Variants in FAM241A observed in about 807,000 individuals in gnomAD.
The protein encoded by FAM241A is family with sequence similarity 241 member A.
In FAM241A, 7 loss-of-function variants were observed where a neutral mutation model predicts 12.2. That is an observed-to-expected ratio of 0.58 (90% CI 0.33 to 1.08). The LOEUF (loss-of-function observed/expected upper bound fraction) is 1.08, where lower values mean the gene tolerates loss of function less well. FAM241A is among the 50% of genes least tolerant of loss of function. FAM241A has a pLI of 0.04. For synonymous variants in FAM241A, 74 were observed against 68.2 expected, an observed-to-expected ratio of 1.08 and a Z score of -0.42; for missense variants, 161 against 169.7, an observed-to-expected ratio of 0.95 and a Z score of 0.29.
intron 1 of FAM241A, chr4:112,171,238 A>G (rs1723712333): frequency 5.5e-6 from 4 of 733,740 alleles, no homozygotes; most frequent in Admixed American, 1.7e-5. Flanking sequence ...CCTAAAACCC[A>G]CTGGACTTTC....
rs1038106079 is a variant in FAM241A, at chr4:112,187,241, C to T, written c.*303C>T. On this transcript the variant is annotated 3_prime_UTR_variant, in exon 2 of 2. Transcript: ENST00000309733. Reference sequence around the variant, plus strand: ...TTAAGTAACACCACCAGAAAGTGAACAGGGAAAATAACAGGACATGGAATT... The same window carrying T: ...TTAAGTAACACCACCAGAAAGTGAATAGGGAAAATAACAGGACATGGAATT... 5.9e-5 allele frequency: 15 copies of T among 252,548 alleles called. No individual in the cohort carries two copies. Among genetic ancestry groups the T allele is most frequent in the Non-Finnish European group, 1.1e-4 (14 of 133,292 alleles). The allele number at this position is 252,548 out of a possible 1,614,324, so 15.6% of individuals were successfully genotyped here.
intron 1 of FAM241A, among the ~76,000 whole-genome samples, chr4:112,182,997 C>T (rs1723971658): frequency 6.6e-6 from 1 of 151,538 alleles, no homozygotes; most frequent in Non-Finnish European, 1.5e-5. Context: ...AAACTGACAC[C>T]CTTTCCACAT....
Position 112,190,074 on chromosome 4 carries a change from C to T in FAM241A, c.*3136C>T, listed in dbSNP as rs1015719598. 1.3e-5 allele frequency: 2 copies of T among 152,152 alleles called. No individual in the cohort carries two copies. The highest frequency in any genetic ancestry group is 4.8e-5 in the African/African-American group (2 of 41,418). The allele number at this position is 152,152 out of a possible 1,614,324, so 9.4% of individuals were successfully genotyped here. A position where few individuals can be genotyped will look rare whatever the true frequency, so the allele number is the denominator to read the frequency against. ...CATGGTTATCTTCTGACCAACAAATCTCTATTTAATCATGTTTTGACCACA... is the reference window on the plus strand; with the variant it reads ...CATGGTTATCTTCTGACCAACAAATTTCTATTTAATCATGTTTTGACCACA... On this transcript the variant is annotated 3_prime_UTR_variant, in exon 2 of 2. Coordinates refer to ENST00000309733, the MANE Select transcript of FAM241A (RefSeq NM_152400.3).
intron 1 of FAM241A, among the ~76,000 whole-genome samples, chr4:112,185,798 A>G (rs1463727189): frequency 2.0e-5 from 3 of 152,184 alleles, no homozygotes; most frequent in Non-Finnish European, 4.4e-5. Flanking sequence ...CCAAATTGCA[A>G]TCAGCTGCTA....
chr4:112,189,463 T>G lies in FAM241A; in HGVS notation c.*2525T>G, dbSNP rs565982245. Reference sequence around the variant, plus strand: ...GCCAGTTTTAGAAACTGTTATTGCTTATGAATAAAGAAATAGAAGTTACAA... The same window carrying G: ...GCCAGTTTTAGAAACTGTTATTGCTGATGAATAAAGAAATAGAAGTTACAA... On this transcript the variant is annotated 3_prime_UTR_variant, in exon 2 of 2. Transcript: ENST00000309733. 6.6e-6 allele frequency: 1 copy of G among 152,210 alleles called. No individual in the cohort carries two copies. The highest frequency in any genetic ancestry group is 2.1e-4 in the South Asian group (1 of 4,820). The allele number at this position is 152,210 out of a possible 1,614,324, so 9.4% of individuals were successfully genotyped here.
chr4:112,155,648 G>C (rs1209979845), intron 1 of FAM241A, among the ~76,000 whole-genome samples: 1 of 151,880 alleles, frequency 6.6e-6, no homozygotes, highest in Non-Finnish European at 1.5e-5. Flanking sequence ...ACTTCATGTA[G>C]AGTCCAATAA....
chr4:112,145,689 G>A lies in FAM241A; in HGVS notation c.109G>A (p.Ala37Thr). The A allele has an allele frequency of 8.3e-7, 1 of 1,208,096 alleles. No homozygotes were observed. The highest frequency in any genetic ancestry group is 1.0e-6 in the Non-Finnish European group (1 of 972,348). The allele number at this position is 1,208,096 out of a possible 1,614,324, so 74.8% of individuals were successfully genotyped here. The change falls in exon 1 of 2, where the codon GCG (alanine) becomes ACG (threonine). Residue 37 changes from alanine to threonine, a missense_variant. Transcript: ENST00000309733. ...GGCAGGGACCGGGTGGGATCCCGGG[G>A]CGAGCCCGCGGCGGCGCGGACAGCG... ...EAAGTGWDPG[A>T]SPRRRGQRPK... is the part of the protein sequence containing the mutation.
Position 112,187,193 on chromosome 4 carries a change from C to T in FAM241A, c.*255C>T, listed in dbSNP as rs544080102. On this transcript the variant is annotated 3_prime_UTR_variant, in exon 2 of 2. Transcript: ENST00000309733. ...TACTGTGATCTCTGTCTCCTTTATA[C>T]ACCTCTATCCCCATGCCAAATCTTA... 8.1e-6 allele frequency: 3 copies of T among 370,850 alleles called. No homozygotes were observed. Among genetic ancestry groups the T allele is most frequent in the East Asian group, 9.4e-5 (2 of 21,310 alleles). 23.0% of individuals were successfully genotyped at this position (370,850 alleles called of 1,614,324 possible).
chr4:112,175,230 A>G (rs1440498454), intron 1 of FAM241A, among the ~76,000 whole-genome samples: 3 of 152,216 alleles, frequency 2.0e-5, no homozygotes, highest in Non-Finnish European at 4.4e-5. Context: ...AATTATGTCA[A>G]TGAAACCGTC....
chr4:112,145,926 C>T (rs1723127625), intron 1 of FAM241A, among the ~76,000 whole-genome samples, 193 bp downstream of exon 1: 1 of 151,484 alleles, frequency 6.6e-6, no homozygotes, highest in South Asian at 2.1e-4. Flanking sequence ...GGCGGGGTCG[C>T]GCGAGTGCAG....
At chr4:112,161,954 A>G (rs1723481372) in intron 1 of FAM241A, among the ~76,000 whole-genome samples, 1 of 152,194 alleles carries the variant, frequency 6.6e-6, no homozygotes, top group South Asian at 2.1e-4. Flanking sequence ...CAAAAAGCTT[A>G]TCCACCACTA....
At position 112,145,567 on chromosome 4, in the gene FAM241A, G is replaced by C; in HGVS notation, c.-14G>C. ...CTCCGGCGGCTGTCCGGGGCGGTAG[G>C]AGTTGGCTGCGGGATGTGCTCAGCC... On this transcript the variant is annotated 5_prime_UTR_variant, in exon 1 of 2. Coordinates refer to ENST00000309733, the MANE Select transcript of FAM241A (RefSeq NM_152400.3). 8.0e-7 allele frequency: 1 copy of C among 1,247,674 alleles called. No homozygotes were observed. The highest frequency in any genetic ancestry group is 3.2e-4 in the Middle Eastern group (1 of 3,134). The allele number at this position is 1,247,674 out of a possible 1,614,324, so 77.3% of individuals were successfully genotyped here.
intron 1 of FAM241A, among the ~76,000 whole-genome samples, chr4:112,147,315 TTC>T (rs147828071): frequency 0.061 from 9,238 of 152,336 alleles, 353 homozygotes; most frequent in Middle Eastern, 0.092. Flanking sequence ...ATTTTTATCA[TTC>T]TGTTTTTGCC....
chr4:112,183,657 A>C (rs546065719), intron 1 of FAM241A, among the ~76,000 whole-genome samples: 1 of 152,230 alleles, frequency 6.6e-6, no homozygotes, highest in South Asian at 2.1e-4. Context: ...CCCAAAGTAC[A>C]ATGAGTGCAT....
intron 1 of FAM241A, among the ~76,000 whole-genome samples, chr4:112,155,717 G>A (rs1007061408): frequency 6.6e-6 from 1 of 151,958 alleles, no homozygotes. Context: ...AAACAATTAG[G>A]AATGATTTTT....
chr4:112,165,083 A>G (rs2110426605), intron 1 of FAM241A, among the ~76,000 whole-genome samples: 1 of 152,372 alleles, frequency 6.6e-6, no homozygotes, highest in Middle Eastern at 3.4e-3. Context: ...CCTGGATGAC[A>G]GAATGAGACC....
At chr4:112,148,217 C>T (rs957945364) in intron 1 of FAM241A, among the ~76,000 whole-genome samples, 6 of 152,156 alleles carry the variant, frequency 3.9e-5, no homozygotes, top group Admixed American at 6.5e-5. Context: ...TACATCCCTT[C>T]CTTCACTGAT....
intron 1 of FAM241A, among the ~76,000 whole-genome samples, chr4:112,149,568 G>A (rs1723206396): frequency 6.6e-6 from 1 of 152,160 alleles, no homozygotes; most frequent in Non-Finnish European, 1.5e-5. Context: ...AGGTCAATGA[G>A]TCAAACTCTT....
intron 1 of FAM241A, among the ~76,000 whole-genome samples, chr4:112,158,791 T>C (rs1019522338): frequency 4.6e-5 from 7 of 152,186 alleles, no homozygotes; most frequent in Non-Finnish European, 7.4e-5. Flanking sequence ...GAAATCAGTG[T>C]ATTTAGGATA....
Sources: gnomAD v4.1 joint callset for allele counts (sites outside exome capture counted in the v4.1 genomes callset) on GRCh38, gnomAD v4.1.1 for gene constraint, MANE v1.5 for transcripts, NCBI Gene and HGNC (gene_info 2026-07-23, HGNC 2026-07-21) for gene names.